Variants in CSMD1 observed in about 807,000 individuals in gnomAD.
The protein encoded by CSMD1 is CUB and Sushi multiple domains 1, also known as CUB and sushi domain-containing protein 1.
A neutral mutation model predicts 417.5 loss-of-function variants in CSMD1; 213 were observed. The ratio of observed to expected loss-of-function variants is 0.51; its 90% CI spans 0.46 to 0.57. CSMD1 has a LOEUF of 0.57. Among genes scored for constraint, CSMD1 ranks in the 20% least tolerant of loss-of-function variants. The pLI, the probability that CSMD1 is intolerant of heterozygous loss-of-function variation, is 0.00. For synonymous variants in CSMD1, 2,862 were observed against 1,736.8 expected, an observed-to-expected ratio of 1.65 and a Z score of -16.11; for missense variants, 6,923 against 4,529.7, an observed-to-expected ratio of 1.53 and a Z score of -15.17.
At chr8:4,178,191 G>A (rs945565757) in intron 3 of CSMD1, among the ~76,000 whole-genome samples, 2 of 152,142 alleles carry the variant, frequency 1.3e-5, no homozygotes, top group Admixed American at 1.3e-4. Flanking sequence ...ATACGATACT[G>A]GCAGACCGAA....
At chr8:3,922,074 C>T (rs891769022) in intron 5 of CSMD1, among the ~76,000 whole-genome samples, 5 of 152,056 alleles carry the variant, frequency 3.3e-5, no homozygotes, top group African/African-American at 4.8e-5. Context: ...ATGTTGGGTG[C>T]ATATATAATT....
intron 40 of CSMD1, among the ~76,000 whole-genome samples, chr8:3,144,794 A>AGGG (rs1308064297): frequency 3.6e-5 from 1 of 27,588 alleles, no homozygotes; most frequent in Non-Finnish European, 7.3e-5. Context: ...AGAGGCAACA[A>AGGG]GGGGGGGGGG....
chr8:3,770,046 T>C (rs73658244), intron 5 of CSMD1, among the ~76,000 whole-genome samples: 2,084 of 152,318 alleles, frequency 0.014, 41 homozygotes, highest in African/African-American at 0.048. Flanking sequence ...TTGCTGTGAT[T>C]CCTGATCAGG....
chr8:3,086,963 C>A, intron 49 of CSMD1, 134 bp downstream of exon 49: 1 of 811,916 alleles, frequency 1.2e-6, no homozygotes, highest in East Asian at 2.7e-5. Flanking sequence ...AGGTTTAATT[C>A]GTACTGTTAT....
At chr8:3,843,847 T>A (rs1037956722) in intron 5 of CSMD1, among the ~76,000 whole-genome samples, 2 of 152,168 alleles carry the variant, frequency 1.3e-5, no homozygotes, top group African/African-American at 4.8e-5. Flanking sequence ...ATAATGTACC[T>A]TCGAAAGTAA....
rs1585026237 is a variant in CSMD1, at chr8:3,805,843, C to T, written c.819-51801G>A. ...CAAGCCTTTTCAACTTCCTTTATGA[C>T]AAAAATTTCATGCCTCAGTTTCCCA... On this transcript the variant is annotated intron_variant, in intron 5 of 69. Coordinates refer to ENST00000635120, the MANE Select transcript of CSMD1 (RefSeq NM_033225.6). Among the ~76,000 whole-genome samples the T allele has an allele frequency of 2.0e-5, 3 of 152,232 alleles. No individual in the cohort carries two copies. In the South Asian group the frequency reaches 6.2e-4, roughly 32 times the overall value.
At chr8:4,972,133 G>C (rs1348919667) in intron 1 of CSMD1, among the ~76,000 whole-genome samples, 1 of 152,064 alleles carries the variant, frequency 6.6e-6, no homozygotes, top group Non-Finnish European at 1.5e-5. Flanking sequence ...ATCGTTATAC[G>C]CTGCCCCTGT....
At chr8:4,007,658 T>G (rs116098596) in intron 4 of CSMD1, among the ~76,000 whole-genome samples, 1 of 152,010 alleles carries the variant, frequency 6.6e-6, no homozygotes, top group Admixed American at 6.6e-5. Flanking sequence ...GGCGGCCTGA[T>G]AGAAGTATTC....
chr8:3,375,844 C>T (rs1810271886), intron 18 of CSMD1, among the ~76,000 whole-genome samples: 1 of 152,104 alleles, frequency 6.6e-6, no homozygotes, highest in Non-Finnish European at 1.5e-5. Flanking sequence ...TGATTCACAC[C>T]CCTCAATCCT....
At chr8:4,558,556 C>G (rs6988683) in intron 2 of CSMD1, among the ~76,000 whole-genome samples, 145,273 of 152,196 alleles carry the variant, frequency 0.95, 69,639 homozygotes, top group East Asian at 1. Context: ...CTTGCTCAAA[C>G]ACTAGTCCCT....
chr8:4,188,035 T>C (rs772494664), intron 3 of CSMD1, among the ~76,000 whole-genome samples: 1 of 152,060 alleles, frequency 6.6e-6, no homozygotes, highest in Non-Finnish European at 1.5e-5. Flanking sequence ...CCTAAGACAG[T>C]GCAAACTTCG....
chr8:3,297,889 C>A (rs926406929), intron 25 of CSMD1, among the ~76,000 whole-genome samples: 1 of 151,906 alleles, frequency 6.6e-6, no homozygotes. Context: ...GAATTAAAAA[C>A]CTGTGTTTAT....
chr8:3,074,121 T>A (rs1223982325), intron 49 of CSMD1, among the ~76,000 whole-genome samples: 1 of 152,222 alleles, frequency 6.6e-6, no homozygotes, highest in African/African-American at 2.4e-5. Flanking sequence ...TTCTTGCATT[T>A]GCGCAGCTGA....
intron 26 of CSMD1, among the ~76,000 whole-genome samples, chr8:3,265,994 C>G (rs1801403252): frequency 6.6e-6 from 1 of 151,876 alleles, no homozygotes; most frequent in South Asian, 2.1e-4. Flanking sequence ...TTCAAATGAA[C>G]TTATCTAATT....
At chr8:3,419,488 T>C (rs146023473) in intron 12 of CSMD1, among the ~76,000 whole-genome samples, 3,229 of 152,310 alleles carry the variant, frequency 0.021, 118 homozygotes, top group African/African-American at 0.072. Context: ...GCATATACAC[T>C]GATTTTTAAT....
intron 1 of CSMD1, among the ~76,000 whole-genome samples, chr8:4,703,683 G>C (rs12681087): frequency 6.6e-5 from 10 of 152,210 alleles, no homozygotes; most frequent in African/African-American, 2.4e-4. Flanking sequence ...AGTTGACTTA[G>C]CATTGCCTGC....
Position 4,149,023 on chromosome 8 carries a change from G to A in CSMD1, c.416-116924C>T, listed in dbSNP as rs1326697727. 2.6e-5 allele frequency among the ~76,000 whole-genome samples: 4 copies of A among 151,628 alleles called. No homozygotes were observed. The East Asian group carries it at 7.8e-4, about 30-fold the overall frequency. ...TTGTTGCCCAGGCTGGAGTGCAGTG[G>A]CACAATCTTTGCTCACTGCAACCTC... On this transcript the variant is annotated intron_variant, in intron 3 of 69. Transcript: ENST00000635120.
At position 3,796,342 on chromosome 8, in the gene CSMD1, A is replaced by C. The variant is rs372159068; in HGVS notation, c.819-42300T>G. Among the ~76,000 whole-genome samples, 27 of 32,032 alleles carry C rather than the reference A, an allele frequency of 8.4e-4. 3 individuals are homozygous for C. The highest frequency in any genetic ancestry group is 5.3e-3 in the South Asian group (5 of 936). 21.0% of individuals were successfully genotyped at this position (32,032 alleles called of 152,430 possible). A position where few individuals can be genotyped will look rare whatever the true frequency, so the allele number is the denominator to read the frequency against. ...ATCTATCATGTATAGATATAGATAT[A>C]TATCTATCATGTATAGATATAGATA... On this transcript the variant is annotated intron_variant, in intron 5 of 69. Coordinates refer to ENST00000635120, the MANE Select transcript of CSMD1 (RefSeq NM_033225.6).
At chr8:4,192,866 T>C (rs1273257615) in intron 3 of CSMD1, among the ~76,000 whole-genome samples, 1 of 152,198 alleles carries the variant, frequency 6.6e-6, no homozygotes, top group Non-Finnish European at 1.5e-5. Flanking sequence ...CTGTATTCTG[T>C]CCTTCTAGGA....
Sources: gnomAD v4.1 joint callset for allele counts (sites outside exome capture counted in the v4.1 genomes callset) on GRCh38, gnomAD v4.1.1 for gene constraint, MANE v1.5 for transcripts, NCBI Gene and HGNC (gene_info 2026-07-23, HGNC 2026-07-21) for gene names.